The following COL23A1 variants were observed in gnomAD, a reference collection of about 807,000 sequenced individuals.
COL23A1 encodes collagen type XXIII alpha 1 chain.
Under a neutral mutation model 99.3 loss-of-function variants are expected in COL23A1, and 97 were observed. The observed-to-expected ratio is 0.98, with a 90% CI of 0.83 to 1.16. The LOEUF (loss-of-function observed/expected upper bound fraction) is 1.16, where lower values mean the gene tolerates loss of function less well. COL23A1 is among the 50% of genes most tolerant of loss of function. The probability of loss-of-function intolerance (pLI) is 0.00; values close to 1 mark genes in which losing one functional copy is unlikely to be tolerated. For synonymous variants in COL23A1, 320 were observed against 308.2 expected (o/e 1.04, Z -0.40); for missense variants, 762 against 757.4 (o/e 1.01, Z -0.07).
chr5:178,576,339 A>G (rs1246116893), intron 1 of COL23A1, among the ~76,000 whole-genome samples: 1 of 151,900 alleles, frequency 6.6e-6, no homozygotes, highest in Non-Finnish European at 1.5e-5. Flanking sequence ...CCCGGGTTCA[A>G]CCGATTCTCC....
chr5:178,412,458 C>T (rs186527437), intron 2 of COL23A1, among the ~76,000 whole-genome samples: 2 of 152,282 alleles, frequency 1.3e-5, no homozygotes, highest in East Asian at 1.9e-4. Flanking sequence ...TTACAGTTCT[C>T]CAATTCCCAA....
chr5:178,496,922 T>C (rs558619139), intron 2 of COL23A1, among the ~76,000 whole-genome samples: 1 of 152,320 alleles, frequency 6.6e-6, no homozygotes, highest in Admixed American at 6.5e-5. Flanking sequence ...TTCTGAAACA[T>C]GGGAGCGTGA....
chr5:178,356,762 T>A (rs4077328), intron 2 of COL23A1, among the ~76,000 whole-genome samples: 68,916 of 150,450 alleles, frequency 0.46, 15,769 homozygotes, highest in South Asian at 0.53. Context: ...TGGGCAGGAG[T>A]TACGCACCCT....
chr5:178,266,647 C>T (rs1755920877), intron 8 of COL23A1, among the ~76,000 whole-genome samples: 1 of 152,166 alleles, frequency 6.6e-6, no homozygotes, highest in Non-Finnish European at 1.5e-5. Flanking sequence ...AGAACAATCT[C>T]ACCAGCTTTA....
At chr5:178,537,028 C>T (rs961705875) in intron 2 of COL23A1, among the ~76,000 whole-genome samples, 1 of 152,252 alleles carries the variant, frequency 6.6e-6, no homozygotes, top group Non-Finnish European at 1.5e-5. Flanking sequence ...CCGGTCCACT[C>T]CTGCTTACCT....
intron 2 of COL23A1, among the ~76,000 whole-genome samples, chr5:178,402,969 G>A (rs1219856931): frequency 2.0e-5 from 3 of 151,588 alleles, no homozygotes; most frequent in South Asian, 2.1e-4. Context: ...TTAGCCAGGC[G>A]TGGCAGTGTG....
rs746929406 is a variant in COL23A1 at position 178,357,956 on chromosome 5, ATGTG to A, written c.362-51041_362-51038del. ...TGTGTATGTATGTGTGTGTATGTAT[ATGTG>A]TGTATGTGTATGTGTATATATGTGT... On this transcript the variant is annotated intron_variant, in intron 2 of 28. Coordinates refer to ENST00000390654, the MANE Select transcript of COL23A1 (RefSeq NM_173465.4). 1.1e-4 allele frequency among the ~76,000 whole-genome samples: 15 copies of A among 142,442 alleles called. 1 individual carries two copies. The highest frequency in any genetic ancestry group is 4.5e-4 in the South Asian group (2 of 4,426). The allele number at this position is 142,442 out of a possible 152,430, so 93.4% of individuals were successfully genotyped here.
intron 2 of COL23A1, among the ~76,000 whole-genome samples, chr5:178,520,928 G>T (rs1162500833): frequency 3.9e-5 from 6 of 152,312 alleles, no homozygotes; most frequent in African/African-American, 1.4e-4. Flanking sequence ...AAACAACAGG[G>T]TTGTATTCTG....
At chr5:178,513,862 T>G (rs149675304) in intron 2 of COL23A1, among the ~76,000 whole-genome samples, 1,448 of 59,410 alleles carry the variant, frequency 0.024, 14 homozygotes, top group Non-Finnish European at 0.031. Flanking sequence ...TTCTGCTTTT[T>G]TAAAAAATTA....
intron 2 of COL23A1, among the ~76,000 whole-genome samples, chr5:178,404,144 A>T (rs539984937): frequency 6.6e-6 from 1 of 152,322 alleles, no homozygotes; most frequent in South Asian, 2.1e-4. Flanking sequence ...CCATTCGCGG[A>T]GCGCCTACTG....
At chr5:178,538,122 A>G (rs552538631) in intron 2 of COL23A1, among the ~76,000 whole-genome samples, 38 of 152,340 alleles carry the variant, frequency 2.5e-4, no homozygotes, top group Non-Finnish European at 4.1e-4. Context: ...GCTACAGCTC[A>G]TCATCATCCT....
rs889168229 is a variant in COL23A1, at chr5:178,280,420, C to T, written c.441+7904G>A. 2.6e-5 allele frequency among the ~76,000 whole-genome samples: 4 copies of T among 152,096 alleles called. No homozygotes were observed. Among genetic ancestry groups the T allele is most frequent in the East Asian group, 3.9e-4 (2 of 5,164 alleles). ...AATAGCTGAAGGGGCCGAGGCTTGG[C>T]GGGGCCAGGGACGTGCCTGAGGCCA... On this transcript the variant is annotated intron_variant, in intron 5 of 28. Transcript: ENST00000390654. The surrounding 1 kb of genome is among the most constrained non-coding windows in gnomAD (Gnocchi z 4.9).
chr5:178,315,618 G>A (rs1267515968), intron 2 of COL23A1, among the ~76,000 whole-genome samples: 2 of 152,124 alleles, frequency 1.3e-5, no homozygotes, highest in Non-Finnish European at 2.9e-5. Flanking sequence ...CAAGAAGGAC[G>A]GGAAGGGGCA....
Position 178,328,775 on chromosome 5 carries a change from C to T in COL23A1, c.362-21856G>A, listed in dbSNP as rs56722278. Reference sequence around the variant, plus strand: ...AACCCCCGTCAACGTTAGTTCTAGACGGTTATAGAGGTAACGCAAGGGGTC... The same window carrying T: ...AACCCCCGTCAACGTTAGTTCTAGATGGTTATAGAGGTAACGCAAGGGGTC... On this transcript the variant is annotated intron_variant, in intron 2 of 28. Transcript: ENST00000390654. 4.8e-3 allele frequency among the ~76,000 whole-genome samples: 733 copies of T among 152,230 alleles called. 4 individuals carry two copies. The highest frequency in any genetic ancestry group is 0.017 in the African/African-American group (694 of 41,528).
chr5:178,554,124 A>C (rs1762147757), intron 2 of COL23A1, among the ~76,000 whole-genome samples: 1 of 152,020 alleles, frequency 6.6e-6, no homozygotes, highest in South Asian at 2.1e-4. Flanking sequence ...ATGGGAAGTC[A>C]ACACACTTTC....
At chr5:178,389,123 T>A (rs1159504165) in intron 2 of COL23A1, among the ~76,000 whole-genome samples, 1 of 151,890 alleles carries the variant, frequency 6.6e-6, no homozygotes, top group Non-Finnish European at 1.5e-5. Context: ...GTTGCCTCAG[T>A]GTGTGGCTTT....
intron 3 of COL23A1, among the ~76,000 whole-genome samples, chr5:178,294,283 ACCG>A: frequency 7.6e-6 from 1 of 131,210 alleles, no homozygotes; most frequent in African/African-American, 2.9e-5. Flanking sequence ...CCAAATCACT[ACCG>A]AGCTCCCTCC....
chr5:178,375,967 A>G (rs1486689871), intron 2 of COL23A1, among the ~76,000 whole-genome samples: 1 of 152,100 alleles, frequency 6.6e-6, no homozygotes, highest in African/African-American at 2.4e-5. Context: ...TCGGCCTCCA[A>G]AAGTGTTGGG....
Position 178,415,548 on chromosome 5 carries a change from G to A in COL23A1, c.362-108629C>T, listed in dbSNP as rs986446080. On this transcript the variant is annotated intron_variant, in intron 2 of 28. Coordinates refer to ENST00000390654, the MANE Select transcript of COL23A1 (RefSeq NM_173465.4). The surrounding 1 kb of genome is among the most constrained non-coding windows in gnomAD (Gnocchi z 4.6). Reference sequence around the variant, plus strand: ...TCTCCTGACCTCTCCACAGCCAGAGGACACGAGGGACGCCCCTTGCAGATA... The same window carrying A: ...TCTCCTGACCTCTCCACAGCCAGAGAACACGAGGGACGCCCCTTGCAGATA... 1.3e-5 allele frequency among the ~76,000 whole-genome samples: 2 copies of A among 152,166 alleles called. No homozygotes were observed. Among genetic ancestry groups the A allele is most frequent in the Non-Finnish European group, 2.9e-5 (2 of 68,028 alleles).
Sources: gnomAD v4.1 joint callset for allele counts (sites outside exome capture counted in the v4.1 genomes callset) on GRCh38, gnomAD v4.1.1 for gene constraint, Gnocchi (gnomAD v3.1) non-coding constraint, MANE v1.5 for transcripts, NCBI Gene and HGNC (gene_info 2026-07-23, HGNC 2026-07-21) for gene names.